The following HYDIN variants were observed in gnomAD, a reference collection of about 807,000 sequenced individuals.
HYDIN encodes axonemal central pair apparatus protein HYDIN.
HYDIN carries 132 observed loss-of-function variants against 403.9 expected under a neutral mutation model. The ratio of observed to expected loss-of-function variants is 0.33; its 90% CI spans 0.28 to 0.38. The LOEUF (loss-of-function observed/expected upper bound fraction) is 0.38. Among genes scored for constraint, HYDIN ranks in the 10% least tolerant of loss-of-function variants. The probability of loss-of-function intolerance (pLI) is 1.00; values close to 1 mark genes in which losing one functional copy is unlikely to be tolerated. For missense variants in HYDIN, 2,827 were observed against 5,009.5 expected (o/e 0.56, Z 13.15); for synonymous variants, 1,202 against 1,891.7 (o/e 0.64, Z 9.46).
At chr16:71,117,418 G>C (rs369593039) in intron 9 of HYDIN, among the ~76,000 whole-genome samples, 86 of 151,526 alleles carry the variant, frequency 5.7e-4, no homozygotes, top group Admixed American at 3.1e-3. Context: ...CCTAAGGTCT[G>C]ACAAAGTCAT....
At position 70,818,352 on chromosome 16, in the gene HYDIN, G is replaced by A. The variant is rs1302725571; in HGVS notation, c.14648C>T (p.Ala4883Val). ...IALPSQFVVP[A>V]NSEGTFSFEF... ...GCCAAGGGGCCGTACCTCGGAGTTG[G>A]CAGGCACCACAAACTGGGAGGGCAG... The change falls in exon 84 of 86, where the codon GCC becomes GTC. Residue 4883 changes from alanine to valine, a missense_variant. Transcript: ENST00000393567. 1.2e-6 allele frequency: 2 copies of A among 1,612,944 alleles called. No individual in the cohort carries two copies. The highest frequency in any genetic ancestry group is 1.7e-6 in the Non-Finnish European group (2 of 1,179,406).
chr16:71,011,596 G>GGTATAAT (rs2080087136), intron 23 of HYDIN, among the ~76,000 whole-genome samples: 2 of 151,484 alleles, frequency 1.3e-5, no homozygotes, highest in African/African-American at 4.9e-5. Flanking sequence ...AAATTAGCCA[G>GGTATAAT]GTATAATGGT....
At chr16:70,948,432 G>A (rs1367130138) in intron 41 of HYDIN, among the ~76,000 whole-genome samples, 497 of 151,316 alleles carry the variant, frequency 3.3e-3, no homozygotes, top group African/African-American at 0.011. Flanking sequence ...AAAAGCAATG[G>A]CAACAAAAGC....
chr16:71,178,457 A>G (rs1378747671), intron 4 of HYDIN, among the ~76,000 whole-genome samples: 1 of 147,094 alleles, frequency 6.8e-6, no homozygotes, highest in Non-Finnish European at 1.5e-5. Context: ...ATATATGTAT[A>G]TATATATACA....
intron 6 of HYDIN, 50 bp from the exon 7 acceptor site, chr16:71,152,833 G>C: frequency 6.3e-7 from 1 of 1,583,514 alleles, no homozygotes; most frequent in Non-Finnish European, 8.6e-7. Context: ...TGACTAGTGT[G>C]AGACGGGGAG....
Position 70,974,233 on chromosome 16 carries a change from T to A in HYDIN, c.4977A>T (p.Arg1659Ser). The A allele has an allele frequency of 6.2e-7, 1 of 1,602,296 alleles. No individual in the cohort carries two copies. Among genetic ancestry groups the A allele is most frequent in the Non-Finnish European group, 8.5e-7 (1 of 1,173,894 alleles). Reference protein sequence around the residue: ...PHCETEIFEVRFDPQGANLPV... With the variant: ...PHCETEIFEVSFDPQGANLPV... ...GAAGATTGGCCCCCTGTGGGTCAAA[T>A]CTCACTTCAAATATTTCCGTTTCAC... Residue 1659 changes from arginine to serine, a missense_variant, in exon 33 of 86, where the codon AGA becomes AGT. Coordinates refer to ENST00000393567, the MANE Select transcript of HYDIN (RefSeq NM_001270974.2).
At chr16:71,208,484 T>C (rs537466976) in intron 1 of HYDIN, among the ~76,000 whole-genome samples, 1 of 151,918 alleles carries the variant, frequency 6.6e-6, no homozygotes, top group African/African-American at 2.4e-5. Context: ...CAACCTAACA[T>C]CACAATTAGA....
At chr16:71,212,662 G>A (rs181307950) in intron 1 of HYDIN, among the ~76,000 whole-genome samples, 4 of 151,918 alleles carry the variant, frequency 2.6e-5, no homozygotes, top group Non-Finnish European at 4.4e-5. Context: ...GTACATGGAG[G>A]GACAAAAAGA....
intron 52 of HYDIN, among the ~76,000 whole-genome samples, chr16:70,902,277 T>G (rs1460091537): frequency 7.8e-6 from 1 of 127,464 alleles, no homozygotes; most frequent in South Asian, 2.5e-4. Context: ...TTATATAAAA[T>G]AGGTGGAGTT....
chr16:70,808,535 T>C (rs952583943), intron 85 of HYDIN, among the ~76,000 whole-genome samples: 7 of 152,122 alleles, frequency 4.6e-5, no homozygotes, highest in East Asian at 3.9e-4. Context: ...CTGGAAATAT[T>C]TGAGATGGTG....
intron 25 of HYDIN, among the ~76,000 whole-genome samples, chr16:70,990,045 G>A (rs1425679839): frequency 6.6e-6 from 1 of 152,144 alleles, no homozygotes; most frequent in Admixed American, 6.5e-5. Context: ...GGTAAAATGG[G>A]GAAAGATAGT....
At chr16:71,222,560 T>C (rs559862619) in intron 1 of HYDIN, among the ~76,000 whole-genome samples, 6 of 152,228 alleles carry the variant, frequency 3.9e-5, no homozygotes, top group South Asian at 2.1e-4. Flanking sequence ...TTGCCAGTTA[T>C]ATGATTATAT....
In HYDIN at chr16:70,920,537, C is replaced by T. The variant is rs1445788006; in HGVS notation, c.7785+54G>A. The T allele has an allele frequency of 2.9e-5, 41 of 1,425,128 alleles. No homozygotes were observed. The East Asian group carries it at 4.4e-4, about 15-fold the overall frequency. The allele number at this position is 1,425,128 out of a possible 1,614,324, so 88.3% of individuals were successfully genotyped here. ...GGAGAAGCACCCCTGATGACCTTAG[C>T]ACAGCGCCTGCTGCCTGACTTGAGA... On this transcript the variant is annotated intron_variant, in intron 46 of 85. Coordinates refer to ENST00000393567, the MANE Select transcript of HYDIN (RefSeq NM_001270974.2).
rs200053207 is a variant in HYDIN at position 71,103,692 on chromosome 16, T to C, written c.1328-9757A>G. ...ACTCTGGTAGTAGGAGTCCTTTCAT[T>C]TTATTCTTCTTTTCCAAAGTTGTTT... On this transcript the variant is annotated intron_variant, in intron 10 of 85. Coordinates refer to ENST00000393567, the MANE Select transcript of HYDIN (RefSeq NM_001270974.2). 1.1e-3 allele frequency among the ~76,000 whole-genome samples: 163 copies of C among 149,784 alleles called. No homozygotes were observed. In the East Asian group the frequency reaches 0.025, roughly 23 times the overall value.
intron 12 of HYDIN, among the ~76,000 whole-genome samples, chr16:71,084,266 T>G (rs866039632): frequency 2.0e-5 from 3 of 151,484 alleles, no homozygotes; most frequent in Middle Eastern, 6.8e-3. Flanking sequence ...AAGCACAAAC[T>G]TTTTTACATT....
At chr16:71,219,089 C>T (rs952854081) in intron 1 of HYDIN, among the ~76,000 whole-genome samples, 5 of 151,944 alleles carry the variant, frequency 3.3e-5, no homozygotes, top group Admixed American at 1.3e-4. Context: ...TTTTCAAAGC[C>T]ACTGCTGCAA....
At chr16:71,098,146 T>C (rs1405566275) in intron 10 of HYDIN, among the ~76,000 whole-genome samples, 7 of 151,948 alleles carry the variant, frequency 4.6e-5, no homozygotes, top group Non-Finnish European at 8.8e-5. Context: ...AAGAGGGTCC[T>C]CTAAAGATCA....
chr16:70,981,933 C>A (rs531175051), intron 28 of HYDIN, among the ~76,000 whole-genome samples: 46 of 152,030 alleles, frequency 3.0e-4, no homozygotes, highest in Admixed American at 1.7e-3. Context: ...TCGAGACTAT[C>A]CTGGCTAACA....
chr16:71,064,131 C>T lies in HYDIN; in HGVS notation c.2211+574G>A, dbSNP rs925827224. ...TGGTAAACTGCATCTCAGTAGTAAC[C>T]TTCCATTACTCTAATCTGTACAGAT... On this transcript the variant is annotated intron_variant, in intron 16 of 85. Transcript: ENST00000393567. Among the ~76,000 whole-genome samples, 20 of 132,266 alleles carry T rather than the reference C, an allele frequency of 1.5e-4. 3 individuals carry two copies. Among genetic ancestry groups the T allele is most frequent in the Non-Finnish European group, 3.1e-4 (18 of 58,262 alleles). The allele number at this position is 132,266 out of a possible 152,430, so 86.8% of individuals were successfully genotyped here.
Sources: gnomAD v4.1 joint callset for allele counts (sites outside exome capture counted in the v4.1 genomes callset) on GRCh38, gnomAD v4.1.1 for gene constraint, MANE v1.5 for transcripts, NCBI Gene and HGNC (gene_info 2026-07-23, HGNC 2026-07-21) for gene names.